STK32B: variants seen among roughly 807,000 people sequenced by gnomAD.
STK32B encodes serine/threonine kinase 32B, also known as serine/threonine-protein kinase 32B.
In STK32B, 43 loss-of-function variants were observed where a neutral mutation model predicts 52.6. That is an observed-to-expected ratio of 0.82 (90% CI 0.64 to 1.05). The LOEUF (loss-of-function observed/expected upper bound fraction) is 1.05. Among genes scored for constraint, STK32B ranks in the 50% least tolerant of loss-of-function variants. The probability of loss-of-function intolerance (pLI) is 0.00; values close to 1 mark genes in which losing one functional copy is unlikely to be tolerated. For synonymous variants in STK32B, 238 were observed against 204.3 expected (o/e 1.17, Z -1.41); for missense variants, 621 against 534.6 (o/e 1.16, Z -1.59).
intron 3 of STK32B, among the ~76,000 whole-genome samples, chr4:5,315,018 G>A (rs894977941): frequency 5.9e-5 from 9 of 152,112 alleles, no homozygotes; most frequent in Admixed American, 4.6e-4. Flanking sequence ...AGAAGACTCT[G>A]TGAAGAGGAT....
chr4:5,073,510 G>C (rs1577050214), intron 1 of STK32B, among the ~76,000 whole-genome samples: 1 of 151,578 alleles, frequency 6.6e-6, no homozygotes, highest in Non-Finnish European at 1.5e-5. Flanking sequence ...TTAAGTACCA[G>C]GTTTTTCTTT....
chr4:5,429,296 T>G (rs553586056), intron 6 of STK32B, among the ~76,000 whole-genome samples: 1 of 152,328 alleles, frequency 6.6e-6, no homozygotes, highest in South Asian at 2.1e-4. Flanking sequence ...AATATAATTA[T>G]TGAGGTAATT....
chr4:5,376,733 C>G (rs148599572), intron 4 of STK32B, among the ~76,000 whole-genome samples: 42 of 152,240 alleles, frequency 2.8e-4, no homozygotes, highest in Non-Finnish European at 1.5e-5. Flanking sequence ...GTCCACACCT[C>G]CACCCCGCAC....
intron 3 of STK32B, among the ~76,000 whole-genome samples, chr4:5,219,069 G>A (rs1235987112): frequency 6.6e-6 from 1 of 152,246 alleles, no homozygotes; most frequent in African/African-American, 2.4e-5. Flanking sequence ...GGACCTCACT[G>A]CTGTGTCTGT....
chr4:5,317,933 C>G (rs1485622076), intron 3 of STK32B, among the ~76,000 whole-genome samples: 1 of 152,046 alleles, frequency 6.6e-6, no homozygotes, highest in East Asian at 1.9e-4. Context: ...TTAGAATTGC[C>G]AAATTTCAGG....
intron 2 of STK32B, 191 bp downstream of exon 2, chr4:5,140,151 C>A (rs1716321877): frequency 7.0e-7 from 1 of 1,425,798 alleles, no homozygotes; most frequent in Non-Finnish European, 9.6e-7. Flanking sequence ...AATTAAATTA[C>A]CACAACAGCC....
chr4:5,282,708 A>G (rs746938652), intron 3 of STK32B, among the ~76,000 whole-genome samples: 9 of 152,120 alleles, frequency 5.9e-5, no homozygotes, highest in Non-Finnish European at 1.0e-4. Context: ...TGGATTATCA[A>G]GCCATGATGA....
Position 5,496,550 on chromosome 4 carries a change from T to TGCTTCTGCTCGC in STK32B, c.1107-2393_1107-2392insTTCTGCTCGCGC, listed in dbSNP as rs1202428522. Among the ~76,000 whole-genome samples, 43 of 148,004 alleles carry TGCTTCTGCTCGC rather than the reference T, an allele frequency of 2.9e-4. 1 individual carries two copies. Among genetic ancestry groups the TGCTTCTGCTCGC allele is most frequent in the African/African-American group, 8.5e-4 (32 of 37,644 alleles). The stretch of plus-strand genomic sequence containing the variant: ...TCCCGAGTGAGGCAATGCCTTGCCC[T>TGCTTCTGCTCGC]GCACCCACTGTCCTGTGCCCACTGT... On this transcript the variant is annotated intron_variant, in intron 11 of 11. Transcript: ENST00000282908.
chr4:5,362,334 A>G (rs1417167083), intron 4 of STK32B, among the ~76,000 whole-genome samples: 1 of 152,100 alleles, frequency 6.6e-6, no homozygotes, highest in African/African-American at 2.4e-5. Flanking sequence ...AAGTGCCCCA[A>G]TTCTTCCTCT....
rs140125491 is a variant in STK32B, at chr4:5,105,248, T to C, written c.53-34657T>C. Among the ~76,000 whole-genome samples, 686 of 152,090 alleles carry C rather than the reference T, an allele frequency of 4.5e-3. 6 individuals are homozygous for C. The highest frequency in any genetic ancestry group is 0.016 in the African/African-American group (648 of 41,494). ...ACTTTGGGAGGCTGAGGTGGGAGGA[T>C]TGCATGAGGCCAGAAGTTCAATACT... On this transcript the variant is annotated intron_variant, in intron 1 of 11. Coordinates refer to ENST00000282908, the MANE Select transcript of STK32B (RefSeq NM_018401.3).
intron 4 of STK32B, among the ~76,000 whole-genome samples, chr4:5,355,907 C>T (rs1734142190): frequency 6.6e-6 from 1 of 152,162 alleles, no homozygotes; most frequent in South Asian, 2.1e-4. Flanking sequence ...TTGATGAAGA[C>T]ATTTCTAGGA....
chr4:5,049,534 G>C (rs993307655), upstream of STK32B, among the ~76,000 whole-genome samples: 1 of 152,176 alleles, frequency 6.6e-6, no homozygotes, highest in East Asian at 1.9e-4. Flanking sequence ...GGGGTTCTCT[G>C]GGAGGCAGGG....
intron 2 of STK32B, among the ~76,000 whole-genome samples, chr4:5,150,813 G>A (rs1717304042): frequency 6.6e-6 from 1 of 152,152 alleles, no homozygotes; most frequent in Admixed American, 6.5e-5. Flanking sequence ...ATAATCTCAT[G>A]AACAGTGGCT....
chr4:5,035,817 T>C, the STK32B span, among the ~76,000 whole-genome samples: 1 of 151,368 alleles, frequency 6.6e-6, no homozygotes, highest in South Asian at 2.1e-4. Context: ...GAAGTCTCGC[T>C]GTCACCCAGG....
At chr4:5,336,163 C>T (rs536881715) in intron 4 of STK32B, among the ~76,000 whole-genome samples, 81 of 148,156 alleles carry the variant, frequency 5.5e-4, no homozygotes, top group Non-Finnish European at 6.7e-4. Context: ...ATGACACCCA[C>T]ACACCCACCC....
intron 3 of STK32B, among the ~76,000 whole-genome samples, chr4:5,168,896 C>T (rs1303229758): frequency 3.9e-5 from 6 of 152,198 alleles, no homozygotes. Flanking sequence ...TATCCTGCCC[C>T]CAAAACCTGC....
At chr4:5,034,991 G>A in the STK32B span, among the ~76,000 whole-genome samples, 1 of 152,180 alleles carries the variant, frequency 6.6e-6, no homozygotes. Context: ...TGTAGATTTT[G>A]TTCTGGAGTC....
At chr4:5,068,688 TA>T (rs1349105396) in intron 1 of STK32B, among the ~76,000 whole-genome samples, 2 of 152,326 alleles carry the variant, frequency 1.3e-5, no homozygotes, top group East Asian at 3.9e-4. Flanking sequence ...CTACCTGTAC[TA>T]TTGTTTAATA....
the STK32B span, among the ~76,000 whole-genome samples, chr4:5,028,617 G>A: frequency 6.6e-6 from 1 of 152,194 alleles, no homozygotes; most frequent in Non-Finnish European, 1.5e-5. Context: ...CAGAGATTAT[G>A]AAAAGCAATT....
Sources: gnomAD v4.1 joint callset for allele counts (sites outside exome capture counted in the v4.1 genomes callset) on GRCh38, gnomAD v4.1.1 for gene constraint, MANE v1.5 for transcripts, NCBI Gene and HGNC (gene_info 2026-07-23, HGNC 2026-07-21) for gene names.